HDAC9: variants seen among roughly 807,000 people sequenced by gnomAD.
The protein encoded by HDAC9 is MEF-2 interacting transcription repressor (MITR) protein.
A neutral mutation model predicts 139.4 loss-of-function variants in HDAC9; 41 were observed. That is an observed-to-expected ratio of 0.29 (90% CI 0.23 to 0.38). The LOEUF is 0.38. Among genes scored for constraint, HDAC9 ranks in the 10% least tolerant of loss-of-function variants. The pLI is 1.00. For missense variants in HDAC9, 1,147 were observed against 1,297.0 expected (o/e 0.88, Z 1.78); for synonymous variants, 517 against 476.2 (o/e 1.09, Z -1.12).
intron 2 of HDAC9, among the ~76,000 whole-genome samples, chr7:18,518,934 G>A (rs185034302): frequency 5.9e-5 from 9 of 152,296 alleles, no homozygotes; most frequent in Admixed American, 2.0e-4. Flanking sequence ...ATGAAGCTGT[G>A]GGATGTGTCG....
chr7:18,287,888 G>C (rs1797560367), upstream of HDAC9, among the ~76,000 whole-genome samples: 2 of 152,244 alleles, frequency 1.3e-5, no homozygotes, highest in African/African-American at 4.8e-5. Flanking sequence ...ACTGGACCCG[G>C]AAGTTGTGTC....
rs556201012 is a variant in HDAC9, at chr7:18,740,304, A to T, written c.1910-8701A>T. ...CTCTCCAACCAGTCTTATTGAGATG[A>T]ACCAGGTACCTCAGTTGGAAATGCA... On this transcript the variant is annotated intron_variant, in intron 13 of 25. Transcript: ENST00000686413. 1.3e-4 allele frequency among the ~76,000 whole-genome samples: 20 copies of T among 152,306 alleles called. No homozygotes were observed. In the South Asian group the frequency reaches 3.9e-3, roughly 30 times the overall value.
intron 2 of HDAC9, among the ~76,000 whole-genome samples, chr7:18,583,561 C>T (rs1225726713): frequency 1.3e-5 from 2 of 150,158 alleles, no homozygotes; most frequent in African/African-American, 4.9e-5. Context: ...CCAGCTCCCA[C>T]TGCCCTGACC....
intron 2 of HDAC9, among the ~76,000 whole-genome samples, chr7:18,174,175 C>G (rs1374021358): frequency 6.6e-6 from 1 of 152,030 alleles, no homozygotes; most frequent in African/African-American, 2.4e-5. Context: ...GTAAATTTGT[C>G]TTGTTGCTTT....
chr7:18,782,548 C>T (rs1791335469), intron 16 of HDAC9, among the ~76,000 whole-genome samples: 1 of 152,074 alleles, frequency 6.6e-6, no homozygotes, highest in Non-Finnish European at 1.5e-5. Flanking sequence ...CCCACATTCA[C>T]TCAGGAAACT....
rs1178683979 is a variant in HDAC9 at position 18,667,593 on chromosome 7, G to T, written c.1731+1117G>T. The T allele has an allele frequency of 3.0e-6, 3 of 985,152 alleles. No homozygotes were observed. The African/African-American group carries it at 5.2e-5, about 17-fold the overall frequency. 61.0% of individuals were successfully genotyped at this position (985,152 alleles called of 1,614,324 possible). ...CACTGTTTATTCAAGTCAGTTCTTT[G>T]TCAGGTTCCTGCTGTTCTCCTACAG... On this transcript the variant is annotated intron_variant, in intron 12 of 25. Coordinates refer to ENST00000686413, the MANE Select transcript of HDAC9 (RefSeq NM_178425.4).
At chr7:18,817,180 G>T (rs1315928794) in intron 17 of HDAC9, among the ~76,000 whole-genome samples, 1 of 151,844 alleles carries the variant, frequency 6.6e-6, no homozygotes, top group Non-Finnish European at 1.5e-5. Context: ...GACTACAGGC[G>T]CCCGCCACCA....
intron 22 of HDAC9, among the ~76,000 whole-genome samples, chr7:18,890,014 A>T (rs1388797454): frequency 1.3e-5 from 2 of 152,134 alleles, no homozygotes; most frequent in Non-Finnish European, 2.9e-5. Context: ...CCACTTTTCT[A>T]ATTGCGTGAC....
At chr7:18,854,368 T>C (rs1264149400) in intron 21 of HDAC9, among the ~76,000 whole-genome samples, 1 of 152,208 alleles carries the variant, frequency 6.6e-6, no homozygotes, top group African/African-American at 2.4e-5. Context: ...AATTTTATTT[T>C]TGCTGTCTTG....
At chr7:18,431,786 C>G (rs944459834) in intron 1 of HDAC9, among the ~76,000 whole-genome samples, 5 of 152,142 alleles carry the variant, frequency 3.3e-5, no homozygotes, top group Non-Finnish European at 5.9e-5. Context: ...AATTTCATAT[C>G]AATTCCTTCA....
chr7:18,267,213 G>T lies in HDAC9; in HGVS notation c.25+104864G>T, dbSNP rs1350990262. 2.0e-5 allele frequency among the ~76,000 whole-genome samples: 3 copies of T among 152,054 alleles called. No homozygotes were observed. The East Asian group carries it at 5.8e-4, about 29-fold the overall frequency. ...TTGACTTTATAATGTATAATATGTT[G>T]TTTTGAAACATGTATACATTGTGGT... On this transcript the variant is annotated intron_variant, in intron 2 of 12. Transcript: ENST00000417496.
chr7:18,959,469 A>G (rs906056339), intron 24 of HDAC9, among the ~76,000 whole-genome samples: 6 of 152,318 alleles, frequency 3.9e-5, no homozygotes, highest in Admixed American at 3.9e-4. Context: ...TCAAGGAAAC[A>G]TATACATGCA....
chr7:18,984,314 CG>C (rs1785153537), intron 25 of HDAC9, among the ~76,000 whole-genome samples: 1 of 152,054 alleles, frequency 6.6e-6, no homozygotes, highest in African/African-American at 2.4e-5. Flanking sequence ...AAAGGACTCT[CG>C]GGGCAGTTGG....
intron 1 of HDAC9, among the ~76,000 whole-genome samples, chr7:18,458,632 T>C (rs1479487296): frequency 2.0e-5 from 3 of 152,212 alleles, no homozygotes. Context: ...CAGTGTTCTG[T>C]ATCATGGCGA....
chr7:18,784,608 T>C (rs1237032715), intron 16 of HDAC9, among the ~76,000 whole-genome samples: 1 of 151,112 alleles, frequency 6.6e-6, no homozygotes, highest in Non-Finnish European at 1.5e-5. Context: ...AGCATCTTTA[T>C]GTTCTTGCAA....
At chr7:18,844,823 T>C (rs756453172) in intron 21 of HDAC9, among the ~76,000 whole-genome samples, 4 of 152,208 alleles carry the variant, frequency 2.6e-5, no homozygotes, top group Admixed American at 6.5e-5. Context: ...CTCCCAGAGC[T>C]GCCTCATTAG....
intron 11 of HDAC9, among the ~76,000 whole-genome samples, chr7:18,664,518 C>T (rs1794217069): frequency 6.6e-6 from 1 of 152,104 alleles, no homozygotes; most frequent in African/African-American, 2.4e-5. Flanking sequence ...TCCTCTGGTT[C>T]TCAAACTCCA....
rs1229280012 is a variant in HDAC9 at position 18,225,483 on chromosome 7, C to A, written c.25+63134C>A. 2.0e-5 allele frequency among the ~76,000 whole-genome samples: 3 copies of A among 152,060 alleles called. No individual in the cohort carries two copies. The East Asian group carries it at 5.8e-4, about 29-fold the overall frequency. ...CAAAAGGAAGCTATTGACATATAAT[C>A]CTTCATTATGTTTTATGCAGTAGCA... On this transcript the variant is annotated intron_variant, in intron 2 of 12. Transcript: ENST00000417496.
At chr7:18,208,417 G>C (rs1402094691) in intron 2 of HDAC9, among the ~76,000 whole-genome samples, 2 of 139,906 alleles carry the variant, frequency 1.4e-5, no homozygotes, top group African/African-American at 2.7e-5. Context: ...TTGTCATCCA[G>C]GCTGGAGTAC....
Sources: gnomAD v4.1 joint callset for allele counts (sites outside exome capture counted in the v4.1 genomes callset) on GRCh38, gnomAD v4.1.1 for gene constraint, MANE v1.5 for transcripts, NCBI Gene and HGNC (gene_info 2026-07-23, HGNC 2026-07-21) for gene names.